RRP1B: variants seen among roughly 807,000 people sequenced by gnomAD.
RRP1B encodes the protein ribosomal RNA processing protein 1 homolog B.
Under a neutral mutation model 80.2 loss-of-function variants are expected in RRP1B, and 56 were observed. That is an observed-to-expected ratio of 0.70 (90% CI 0.56 to 0.87). The LOEUF (loss-of-function observed/expected upper bound fraction) is 0.87, where lower values mean the gene tolerates loss of function less well. Among genes scored for constraint, RRP1B ranks in the 40% least tolerant of loss-of-function variants. RRP1B has a pLI of 0.00. For missense variants in RRP1B, 807 were observed against 939.8 expected (o/e 0.86, Z 1.85); for synonymous variants, 351 against 357.6 (o/e 0.98, Z 0.21).
chr21:43,666,380 G>A (rs913141588), intron 1 of RRP1B, among the ~76,000 whole-genome samples: 4 of 152,112 alleles, frequency 2.6e-5, no homozygotes, highest in African/African-American at 9.7e-5. Context: ...GCTGGCACCA[G>A]CAGTTGAGCT....
chr21:43,681,750 G>C (rs1321269734), intron 8 of RRP1B, among the ~76,000 whole-genome samples: 2 of 152,224 alleles, frequency 1.3e-5, no homozygotes, highest in Admixed American at 1.3e-4. Context: ...CTAGGAGTTG[G>C]AGACCAGCTT....
At position 43,690,323 on chromosome 21, in the gene RRP1B, G is replaced by A. The variant is rs140049649; in HGVS notation, c.1902G>A (p.Gln634=). The change falls in exon 14 of 16, where the codon CAG becomes CAA. Residue 634 remains glutamine, a synonymous_variant. Transcript: ENST00000340648. ...GGACTTGCAGTTCCCTGAAGAAGCAGAAGCTGAGGGCAGAGAGCGACTTTG... is the reference window on the plus strand; with the variant it reads ...GGACTTGCAGTTCCCTGAAGAAGCAAAAGCTGAGGGCAGAGAGCGACTTTG... ...SSGTCSSLKK[Q]KLRAESDFVK... The A allele has an allele frequency of 1.6e-4, 253 of 1,614,242 alleles. No individual in the cohort carries two copies. The African/African-American group carries it at 2.9e-3, about 18-fold the overall frequency.
In RRP1B at chr21:43,691,386, G is replaced by A. The variant is rs893248625; in HGVS notation, c.2020-53G>A. 19 of 1,559,618 alleles carry A rather than the reference G, an allele frequency of 1.2e-5. No homozygotes were observed. The East Asian group carries it at 2.2e-4, about 18-fold the overall frequency. ...GTTCTCCAGAAAAATCTGACTAAGC[G>A]CCTCCACTGCACTTGCGTCACTCCT... On this transcript the variant is annotated intron_variant, in intron 14 of 15. Transcript: ENST00000340648. This position sits in a 1 kb window ranked among gnomAD's most constrained non-coding sequence, Gnocchi z 4.2.
Position 43,690,441 on chromosome 21 carries a change from G to A in RRP1B, c.2019+1G>A, listed in dbSNP as rs1568961231. 1 of 1,613,742 alleles carries A rather than the reference G, an allele frequency of 6.2e-7. No individual in the cohort carries two copies. On this transcript the variant is annotated splice_donor_variant, in intron 14 of 15. Coordinates refer to ENST00000340648, the MANE Select transcript of RRP1B (RefSeq NM_015056.3). LOFTEE classifies it high-confidence loss of function. ...CCACCCTCCAGGCCCTGCCGTCCAG[G>A]TACGCACCCTCCCCAGAGTGGCACA...
At chr21:43,669,594 G>A (rs536306161) in intron 1 of RRP1B, among the ~76,000 whole-genome samples, 3 of 152,278 alleles carry the variant, frequency 2.0e-5, no homozygotes, top group South Asian at 2.1e-4. Context: ...ATGAGGAGCC[G>A]ATTTCATAAG....
intron 11 of RRP1B, chr21:43,686,589 G>A (rs561681500): frequency 7.9e-6 from 4 of 506,210 alleles, no homozygotes; most frequent in South Asian, 4.8e-5. Flanking sequence ...GGGTGTCACC[G>A]AGGGCTTGTG....
In RRP1B at chr21:43,665,586, G is replaced by T. The variant is rs183936888; in HGVS notation, c.131-4298G>T. ...TTTTGAGATGGAGTCTTGCTCTGTC[G>T]CTCAGGCTGGAGTGCAGTGGTGCGA... On this transcript the variant is annotated intron_variant, in intron 1 of 15. Transcript: ENST00000340648. Among the ~76,000 whole-genome samples the T allele has an allele frequency of 1.1e-4, 16 of 151,952 alleles. No homozygotes were observed. The East Asian group carries it at 2.7e-3, about 26-fold the overall frequency.
chr21:43,673,708 G>GATTGAGTA (rs1301616717), intron 3 of RRP1B, among the ~76,000 whole-genome samples, 162 bp from the exon 4 acceptor site: 3 of 151,370 alleles, frequency 2.0e-5, no homozygotes, highest in Non-Finnish European at 4.4e-5. Flanking sequence ...TAAAAGAAAT[G>GATTGAGTA]ATTGAGTATA....
At chr21:43,688,369 T>A in intron 13 of RRP1B, 129 bp downstream of exon 13, 2 of 1,143,380 alleles carry the variant, frequency 1.7e-6, no homozygotes, top group East Asian at 2.6e-5. Flanking sequence ...GCAGTTAGAA[T>A]AGGGTGTGTT....
chr21:43,688,047 C>T lies in RRP1B; in HGVS notation c.1673C>T (p.Ala558Val), dbSNP rs754566182. ...EGPPTGPAEG[A>V]NSHTTLPQRR... ...CCTCCCACAGGCCCCGCAGAGGGGG[C>T]GAACAGCCACACCACGCTGCCCCAG... is the stretch of plus-strand genomic sequence containing the variant. Residue 558 changes from alanine to valine, a missense_variant, in exon 13 of 16, where the codon GCG (alanine) becomes GTG (valine). Physicochemically the swap from Ala to Val is moderately conservative, Grantham distance 64. Transcript: ENST00000340648. 2.7e-5 allele frequency: 43 copies of T among 1,611,608 alleles called. No homozygotes were observed. Among genetic ancestry groups the T allele is most frequent in the East Asian group, 4.5e-5 (2 of 44,866 alleles).
At chr21:43,689,067 G>A (rs767093893) in intron 13 of RRP1B, among the ~76,000 whole-genome samples, 10 of 152,236 alleles carry the variant, frequency 6.6e-5, no homozygotes, top group Non-Finnish European at 1.0e-4. Context: ...GAGCCCCCGC[G>A]CCTGGCCCTG....
chr21:43,668,638 A>C (rs1387173410), intron 1 of RRP1B, among the ~76,000 whole-genome samples: 1 of 152,006 alleles, frequency 6.6e-6, no homozygotes, highest in Non-Finnish European at 1.5e-5. Flanking sequence ...CAAAGTGCTG[A>C]GATTACAGGC....
At chr21:43,670,899 G>A (rs924841458) in intron 2 of RRP1B, among the ~76,000 whole-genome samples, 2 of 152,130 alleles carry the variant, frequency 1.3e-5, no homozygotes, top group African/African-American at 4.8e-5. Flanking sequence ...CACTTCTCCC[G>A]TGCTGCGTAA....
At chr21:43,670,077 A>C (rs2082993643) in intron 2 of RRP1B, 111 bp downstream of exon 2, 1 of 652,328 alleles carries the variant, frequency 1.5e-6, no homozygotes, top group Non-Finnish European at 2.5e-6. Context: ...ACTGACAGTC[A>C]TGCTTCAAGG....
At chr21:43,675,284 C>G (rs1398948989) in intron 6 of RRP1B, 121 bp downstream of exon 6, 1 of 893,838 alleles carries the variant, frequency 1.1e-6, no homozygotes, top group Admixed American at 2.2e-5. Flanking sequence ...GCGTGAATTG[C>G]TTCAGTCCTG....
chr21:43,674,584 TCC>T, intron 4 of RRP1B, 50 bp from the exon 5 acceptor site: 2 of 1,025,678 alleles, frequency 1.9e-6, no homozygotes, highest in Non-Finnish European at 2.8e-6. Context: ...TTCTTACCTT[TCC>T]TTTTTTTTTT....
chr21:43,677,268 C>T (rs887968221), intron 8 of RRP1B, among the ~76,000 whole-genome samples: 12 of 152,188 alleles, frequency 7.9e-5, no homozygotes, highest in Non-Finnish European at 1.3e-4. Flanking sequence ...CTCATTTCTA[C>T]GGGTTACTCG....
At position 43,674,621 on chromosome 21, in the gene RRP1B, A is replaced by ATTTTTTTTTTT; in HGVS notation, c.358-13_358-12insTTTTTTTTTTT. On this transcript the variant is annotated splice_polypyrimidine_tract_variant and intron_variant, in intron 4 of 15. Transcript: ENST00000340648. ...TTTTTTTTTTTTTTTTTAAACAAAAATTGCCTTTCTTTAGCTGATTCGTCT... is the reference window on the plus strand; with the variant it reads ...TTTTTTTTTTTTTTTTTAAACAAAAATTTTTTTTTTTTTGCCTTTCTTTAGCTGATTCGTCT... 1 of 1,440,038 alleles carries ATTTTTTTTTTT rather than the reference A, an allele frequency of 6.9e-7. No individual in the cohort carries two copies. The highest frequency in any genetic ancestry group is 9.3e-7 in the Non-Finnish European group (1 of 1,080,082). The allele number at this position is 1,440,038 out of a possible 1,614,324, so 89.2% of individuals were successfully genotyped here.
rs1032289454 is a variant in RRP1B, at chr21:43,695,210, T to A, written c.*1827T>A. 1 of 152,180 alleles carries A rather than the reference T, an allele frequency of 6.6e-6. No individual in the cohort carries two copies. The highest frequency in any genetic ancestry group is 1.5e-5 in the Non-Finnish European group (1 of 68,036). 9.4% of individuals were successfully genotyped at this position (152,180 alleles called of 1,614,324 possible). A position where few individuals can be genotyped will look rare whatever the true frequency, so the allele number is the denominator to read the frequency against. On this transcript the variant is annotated 3_prime_UTR_variant, in exon 16 of 16. Transcript: ENST00000340648. ...TTAAGTTTCATTCTTCCTAGAATAT[T>A]TTTCTAACAATTTTTATTTCAGCTT...
Sources: allele counts gnomAD v4.1 joint callset (sites outside exome capture counted in the v4.1 genomes callset), GRCh38; gene constraint gnomAD v4.1.1; non-coding constraint Gnocchi (gnomAD v3.1); transcripts MANE v1.5; gene names NCBI Gene and HGNC (gene_info 2026-07-23, HGNC 2026-07-21).